The following GRM5 variants were observed in gnomAD, a reference collection of about 807,000 sequenced individuals.
GRM5 encodes glutamate metabotropic receptor 5.
A neutral mutation model predicts 83.1 loss-of-function variants in GRM5; 19 were observed. The ratio of observed to expected loss-of-function variants is 0.23; its 90% CI spans 0.16 to 0.34. GRM5 has a LOEUF of 0.34. GRM5 is among the 10% of genes least tolerant of loss of function. GRM5 has a pLI of 1.00. For missense variants in GRM5, 1,160 were observed against 1,588.3 expected, an observed-to-expected ratio of 0.73 and a Z score of 4.58; for synonymous variants, 675 against 633.6, an observed-to-expected ratio of 1.07 and a Z score of -0.98.
chr11:88,646,444 C>T (rs1197652046), intron 4 of GRM5, among the ~76,000 whole-genome samples: 2 of 151,784 alleles, frequency 1.3e-5, no homozygotes, highest in Non-Finnish European at 2.9e-5. Context: ...GTAGTTAAAA[C>T]ATTTAAGGGC....
intron 2 of GRM5, among the ~76,000 whole-genome samples, chr11:88,981,864 T>C (rs1482160258): frequency 6.6e-6 from 1 of 152,168 alleles, no homozygotes; most frequent in African/African-American, 2.4e-5. Context: ...GGCAAATAAA[T>C]TGCCTACAGG....
At chr11:88,921,578 T>A (rs1590966139) in intron 2 of GRM5, among the ~76,000 whole-genome samples, 1 of 151,694 alleles carries the variant, frequency 6.6e-6, no homozygotes, top group African/African-American at 2.4e-5. Flanking sequence ...TGCAGTGAGC[T>A]GAGATCATGC....
chr11:89,046,328 A>C (rs1941641454), intron 2 of GRM5, among the ~76,000 whole-genome samples: 1 of 152,210 alleles, frequency 6.6e-6, no homozygotes, highest in Non-Finnish European at 1.5e-5. Context: ...ATTTATAAAA[A>C]GTATTTTGTA....
At chr11:88,670,792 G>A (rs752959508) in intron 3 of GRM5, among the ~76,000 whole-genome samples, 16 of 151,910 alleles carry the variant, frequency 1.1e-4, no homozygotes, top group Non-Finnish European at 2.2e-4. Context: ...AGTTAAAAAC[G>A]ATCGACATAG....
chr11:88,676,867 G>T (rs1940342000), intron 3 of GRM5, among the ~76,000 whole-genome samples: 1 of 152,024 alleles, frequency 6.6e-6, no homozygotes, highest in South Asian at 2.1e-4. Flanking sequence ...TAATGCTTGT[G>T]CTCAAATGGG....
At chr11:88,899,836 T>C (rs2135594396) in intron 2 of GRM5, among the ~76,000 whole-genome samples, 1 of 152,190 alleles carries the variant, frequency 6.6e-6, no homozygotes, top group African/African-American at 2.4e-5. Flanking sequence ...CTTTGTCAGC[T>C]GATTAAATTT....
chr11:88,687,349 T>C (rs1157376973), intron 3 of GRM5, among the ~76,000 whole-genome samples: 2 of 147,216 alleles, frequency 1.4e-5, no homozygotes, highest in African/African-American at 2.5e-5. Flanking sequence ...TGGTGGCTGG[T>C]GCCTGTAGTC....
chr11:88,987,602 A>G (rs1341547095), intron 2 of GRM5, among the ~76,000 whole-genome samples: 6 of 152,064 alleles, frequency 3.9e-5, no homozygotes, highest in South Asian at 2.1e-4. Flanking sequence ...GCAGACTTAA[A>G]TGTCCTTGTC....
Position 88,648,420 on chromosome 11 carries a change from G to A in GRM5, c.1147+4748C>T, listed in dbSNP as rs1323444475. Among the ~76,000 whole-genome samples, 87 of 134,538 alleles carry A rather than the reference G, an allele frequency of 6.5e-4. 1 individual carries two copies. Among genetic ancestry groups the A allele is most frequent in the African/African-American group, 2.3e-3 (83 of 35,980 alleles). The allele number at this position is 134,538 out of a possible 152,430, so 88.3% of individuals were successfully genotyped here. On this transcript the variant is annotated intron_variant, in intron 4 of 9. Coordinates refer to ENST00000305447, the MANE Select transcript of GRM5 (RefSeq NM_001143831.3). ...TCGCAAGAACAAAAAACCAAACACC[G>A]CATATTCTCACTCATAGGTGGGAAT...
chr11:88,863,436 A>G (rs1944604502), intron 2 of GRM5, among the ~76,000 whole-genome samples: 1 of 152,160 alleles, frequency 6.6e-6, no homozygotes, highest in Admixed American at 6.6e-5. Flanking sequence ...CAGCTATAAA[A>G]ATGAATGAGA....
intron 3 of GRM5, among the ~76,000 whole-genome samples, chr11:88,706,687 G>T (rs1029455366): frequency 6.6e-6 from 1 of 151,984 alleles, no homozygotes; most frequent in Non-Finnish European, 1.5e-5. Context: ...AATCCTCCCA[G>T]AAATAATACA....
At chr11:89,011,691 A>G (rs1467828930) in intron 2 of GRM5, among the ~76,000 whole-genome samples, 1 of 152,212 alleles carries the variant, frequency 6.6e-6, no homozygotes, top group Non-Finnish European at 1.5e-5. Context: ...CACCACCACC[A>G]ACCATGAAGC....
chr11:88,861,296 C>A (rs1038156937), intron 2 of GRM5, among the ~76,000 whole-genome samples: 1 of 152,060 alleles, frequency 6.6e-6, no homozygotes. Flanking sequence ...AGCACATGCT[C>A]CAGCCATAAC....
intron 3 of GRM5, among the ~76,000 whole-genome samples, chr11:88,830,598 C>T (rs1484716196): frequency 6.6e-6 from 1 of 151,476 alleles, no homozygotes; most frequent in Admixed American, 6.6e-5. Context: ...AGTGAGTGAC[C>T]CCTAATGGTC....
chr11:88,819,893 G>T (rs545234785), intron 3 of GRM5, among the ~76,000 whole-genome samples: 24 of 152,114 alleles, frequency 1.6e-4, no homozygotes, highest in African/African-American at 2.2e-4. Flanking sequence ...AAGGAAAGGG[G>T]CTGAACTCAT....
At chr11:88,583,315 G>A (rs1943251773) in intron 7 of GRM5, among the ~76,000 whole-genome samples, 1 of 152,084 alleles carries the variant, frequency 6.6e-6, no homozygotes, top group Non-Finnish European at 1.5e-5. Context: ...CCTCTTAAGT[G>A]AAGAGACAAA....
intron 2 of GRM5, among the ~76,000 whole-genome samples, chr11:89,016,361 A>T (rs1940856595): frequency 6.6e-6 from 1 of 151,382 alleles, no homozygotes; most frequent in Admixed American, 6.6e-5. Flanking sequence ...TTTCATATAG[A>T]CAGATATTTT....
intron 2 of GRM5, among the ~76,000 whole-genome samples, chr11:88,851,755 G>A (rs1348653733): frequency 6.6e-6 from 1 of 152,204 alleles, no homozygotes; most frequent in Non-Finnish European, 1.5e-5. Flanking sequence ...AAACTGCAAA[G>A]GGCAGAGCAG....
intron 3 of GRM5, among the ~76,000 whole-genome samples, chr11:88,743,169 G>A (rs1942062670): frequency 6.6e-6 from 1 of 152,084 alleles, no homozygotes; most frequent in Non-Finnish European, 1.5e-5. Context: ...AGGACCCACA[G>A]TTTTAAGGGA....
Sources: allele counts gnomAD v4.1 joint callset (sites outside exome capture counted in the v4.1 genomes callset), GRCh38; gene constraint gnomAD v4.1.1; transcripts MANE v1.5; gene names NCBI Gene and HGNC (gene_info 2026-07-23, HGNC 2026-07-21).